The following ASB18 variants were observed in gnomAD, a reference collection of about 807,000 sequenced individuals.
The protein encoded by ASB18 is ankyrin repeat and SOCS box containing 18.
A neutral mutation model predicts 33.4 loss-of-function variants in ASB18; 33 were observed. That is an observed-to-expected ratio of 0.99 (90% CI 0.75 to 1.32). The LOEUF (loss-of-function observed/expected upper bound fraction) is 1.32. ASB18 is among the 40% of genes most tolerant of loss of function. The pLI, the probability that ASB18 is intolerant of heterozygous loss-of-function variation, is 0.00. For synonymous variants in ASB18, 295 were observed against 307.6 expected (o/e 0.96, Z 0.43); for missense variants, 694 against 655.5 (o/e 1.06, Z -0.64).
chr2:236,219,955 G>A lies in ASB18; in HGVS notation c.597-5089C>T, dbSNP rs1228660572. Among the ~76,000 whole-genome samples, 2 of 152,198 alleles carry A rather than the reference G, an allele frequency of 1.3e-5. No homozygotes were observed. The highest frequency in any genetic ancestry group is 2.9e-5 in the Non-Finnish European group (2 of 68,042). On this transcript the variant is annotated intron_variant, in intron 3 of 5. Coordinates refer to ENST00000409749, the MANE Select transcript of ASB18 (RefSeq NM_212556.4). This position sits in a 1 kb window ranked among gnomAD's most constrained non-coding sequence, Gnocchi z 6.4. ...GCAAGGATTAAGGAGACACCATGTTGTCTCAACAGCTTCTGATATGAAGCA... is the reference window on the plus strand; with the variant it reads ...GCAAGGATTAAGGAGACACCATGTTATCTCAACAGCTTCTGATATGAAGCA...
chr2:236,201,687 ATTTT>A (rs67471309), intron 4 of ASB18, among the ~76,000 whole-genome samples: 1 of 142,242 alleles, frequency 7.0e-6, no homozygotes, highest in Non-Finnish European at 1.5e-5. Context: ...ACTGCACTTC[ATTTT>A]TTTTTTTTTT....
In ASB18 at chr2:236,196,325, G is replaced by C; in HGVS notation, c.1162C>G (p.Gln388Glu). 1 of 1,567,050 alleles carries C rather than the reference G, an allele frequency of 6.4e-7. No homozygotes were observed. The highest frequency in any genetic ancestry group is 1.2e-5 in the South Asian group (1 of 84,994). The change falls in exon 5 of 6, where the codon CAG becomes GAG. Residue 388 changes from glutamine to glutamate, a missense_variant. Gln to Glu is a conservative substitution (Grantham distance 29, BLOSUM62 2). Coordinates refer to ENST00000409749, the MANE Select transcript of ASB18 (RefSeq NM_212556.4). The surrounding 1 kb of genome is among the most constrained non-coding windows in gnomAD (Gnocchi z 5.6). ...TTCCAGGACTCTGACAAGCAGAGCT[G>C]AGGGTAGGAGTTGAAAAGCACCTCG... The part of the protein sequence containing the change: ...VIEVLFNSYP[Q>E]LCLSESWKEV...
Position 236,217,424 on chromosome 2 carries a change from A to AAAAATAAT in ASB18, c.597-2559_597-2558insATTATTTT, listed in dbSNP as rs1553600511. Among the ~76,000 whole-genome samples the AAAAATAAT allele has an allele frequency of 5.0e-3, 757 of 150,394 alleles. 7 individuals carry two copies. The highest frequency in any genetic ancestry group is 0.015 in the African/African-American group (605 of 40,506). On this transcript the variant is annotated intron_variant, in intron 3 of 5. Coordinates refer to ENST00000409749, the MANE Select transcript of ASB18 (RefSeq NM_212556.4). This position sits in a 1 kb window ranked among gnomAD's most constrained non-coding sequence, Gnocchi z 5.2. ...CGAGACTCTGTCTCAAAAAAAAAAA[A>AAAAATAAT]AAATAAATCTTGGCACCTTCAACTC... is the stretch of plus-strand genomic sequence containing the variant.
chr2:236,259,551 A>C lies in ASB18; in HGVS notation c.205+4590T>G, dbSNP rs1356965353. ...TCCCAGTGGGAAGGGATGGCCTTCC[A>C]GTGGACGTGACCTCCCCTGCATGGG... On this transcript the variant is annotated intron_variant, in intron 1 of 5. Transcript: ENST00000409749. This position sits in a 1 kb window ranked among gnomAD's most constrained non-coding sequence, Gnocchi z 4.4. 2.1e-6 allele frequency: 1 copy of C among 471,098 alleles called. No individual in the cohort carries two copies. Among genetic ancestry groups the C allele is most frequent in the African/African-American group, 2.0e-5 (1 of 50,086 alleles). 29.2% of individuals were successfully genotyped at this position (471,098 alleles called of 1,614,324 possible).
rs571636453 is a variant in ASB18, at chr2:236,198,450, C to A, written c.1102-2065G>T. Among the ~76,000 whole-genome samples the A allele has an allele frequency of 2.0e-5, 3 of 152,130 alleles. No individual in the cohort carries two copies. In the East Asian group the frequency reaches 5.8e-4, roughly 29 times the overall value. ...GTGGTATGATCTTGGCTCACTGCAA[C>A]CTCTGCCTCCCAGTTCAAGCTATTC... On this transcript the variant is annotated intron_variant, in intron 4 of 5. Coordinates refer to ENST00000409749, the MANE Select transcript of ASB18 (RefSeq NM_212556.4).
rs952357211 is a variant in ASB18, at chr2:236,208,557, G to A, written c.1101+5805C>T. On this transcript the variant is annotated intron_variant, in intron 4 of 5. Coordinates refer to ENST00000409749, the MANE Select transcript of ASB18 (RefSeq NM_212556.4). This position sits in a 1 kb window ranked among gnomAD's most constrained non-coding sequence, Gnocchi z 7.7. Reference sequence around the variant, plus strand: ...GGCTCCCAGGGACTGCAGGTAACCCGGACATGCCCCACCCTGGGAAGAGGT... The same window carrying A: ...GGCTCCCAGGGACTGCAGGTAACCCAGACATGCCCCACCCTGGGAAGAGGT... 4.6e-5 allele frequency among the ~76,000 whole-genome samples: 7 copies of A among 152,092 alleles called. No individual in the cohort carries two copies. Among genetic ancestry groups the A allele is most frequent in the South Asian group, 2.1e-4 (1 of 4,830 alleles).
chr2:236,262,052 A>G lies in ASB18; in HGVS notation c.205+2089T>C, dbSNP rs2060721347. Among the ~76,000 whole-genome samples, 1 of 152,238 alleles carries G rather than the reference A, an allele frequency of 6.6e-6. No individual in the cohort carries two copies. Among genetic ancestry groups the G allele is most frequent in the South Asian group, 2.1e-4 (1 of 4,830 alleles). On this transcript the variant is annotated intron_variant, in intron 1 of 5. Transcript: ENST00000409749. This position sits in a 1 kb window ranked among gnomAD's most constrained non-coding sequence, Gnocchi z 5.2. ...ACACAGCCAAACCATATCAGTATGTAATTTATAACTGTGGAAGGAATGTAA... is the reference window on the plus strand; with the variant it reads ...ACACAGCCAAACCATATCAGTATGTGATTTATAACTGTGGAAGGAATGTAA...
intron 1 of ASB18, chr2:236,254,310 T>C (rs752309625): frequency 1.3e-5 from 2 of 152,644 alleles, no homozygotes; most frequent in Non-Finnish European, 2.9e-5. Context: ...CACCCTTCTC[T>C]CTGCACACGT....
rs1198212196 is a variant in ASB18 at position 236,221,077 on chromosome 2, A to C, written c.597-6211T>G. ...GGTGAGGAGTTCATCTTTGAGGTTT[A>C]AGCAGTGGTCTAAAGGGCAGGGCCC... On this transcript the variant is annotated intron_variant, in intron 3 of 5. Coordinates refer to ENST00000409749, the MANE Select transcript of ASB18 (RefSeq NM_212556.4). This position sits in a 1 kb window ranked among gnomAD's most constrained non-coding sequence, Gnocchi z 5.6. Among the ~76,000 whole-genome samples, 1 of 152,078 alleles carries C rather than the reference A, an allele frequency of 6.6e-6. No homozygotes were observed. The highest frequency in any genetic ancestry group is 6.5e-5 in the Admixed American group (1 of 15,276).
At position 236,222,303 on chromosome 2, in the gene ASB18, C is replaced by T. The variant is rs1395678310; in HGVS notation, c.597-7437G>A. Among the ~76,000 whole-genome samples the T allele has an allele frequency of 2.0e-5, 3 of 152,170 alleles. No individual in the cohort carries two copies. Among genetic ancestry groups the T allele is most frequent in the African/African-American group, 7.2e-5 (3 of 41,430 alleles). On this transcript the variant is annotated intron_variant, in intron 3 of 5. Transcript: ENST00000409749. This position sits in a 1 kb window ranked among gnomAD's most constrained non-coding sequence, Gnocchi z 5.5. The stretch of plus-strand genomic sequence containing the variant: ...AATTGAAATGGCTGATGTGAATAGA[C>T]AAATCCTTCAGGGTAGGAGGGCGAC...
In ASB18 at chr2:236,216,690, G is replaced by C; in HGVS notation, c.597-1824C>G. On this transcript the variant is annotated intron_variant, in intron 3 of 5. Coordinates refer to ENST00000409749, the MANE Select transcript of ASB18 (RefSeq NM_212556.4). The surrounding 1 kb of genome is among the most constrained non-coding windows in gnomAD (Gnocchi z 6.1). ...TTATAAGTCTCTTCATTTGCCCCTT[G>C]CTGCAATCTAGCAAACTGCATACTA... Among the ~76,000 whole-genome samples, 1 of 152,152 alleles carries C rather than the reference G, an allele frequency of 6.6e-6. No individual in the cohort carries two copies. The highest frequency in any genetic ancestry group is 1.9e-4 in the East Asian group (1 of 5,178).
In ASB18 at chr2:236,235,109, A is replaced by C. The variant is rs541291085; in HGVS notation, c.596+2580T>G. Reference sequence around the variant, plus strand: ...CAAACTTAAATAAGAAAACCAACCCAATTTTAAAAATGGGCAAAAGATTTG... The same window carrying C: ...CAAACTTAAATAAGAAAACCAACCCCATTTTAAAAATGGGCAAAAGATTTG... On this transcript the variant is annotated intron_variant, in intron 3 of 5. Coordinates refer to ENST00000409749, the MANE Select transcript of ASB18 (RefSeq NM_212556.4). The surrounding 1 kb of genome is among the most constrained non-coding windows in gnomAD (Gnocchi z 6.2). 5.8e-4 allele frequency among the ~76,000 whole-genome samples: 89 copies of C among 152,354 alleles called. No homozygotes were observed. The highest frequency in any genetic ancestry group is 1.4e-3 in the Admixed American group (21 of 15,308).
At position 236,214,400 on chromosome 2, in the gene ASB18, G is replaced by T; in HGVS notation, c.1063C>A (p.His355Asn). 2 of 1,575,268 alleles carry T rather than the reference G, an allele frequency of 1.3e-6. No individual in the cohort carries two copies. The highest frequency in any genetic ancestry group is 1.2e-5 in the South Asian group (1 of 86,640). The part of the protein sequence containing the change: ...PQRTVQALLN[H>N]GSPTVWPDAF... ...TCGGGCCACACGGTGGGAGAGCCGT[G>T]GTTGAGCAGCGCCTGCACCGTGCGC... Residue 355 changes from histidine (H) to asparagine (N), a missense_variant, in exon 4 of 6, where the codon CAC becomes AAC. His to Asn is a moderately conservative substitution (Grantham distance 68). Coordinates refer to ENST00000409749, the MANE Select transcript of ASB18 (RefSeq NM_212556.4). The surrounding 1 kb of genome is among the most constrained non-coding windows in gnomAD (Gnocchi z 6.5).
At chr2:236,242,768 T>C (rs912153442) in intron 1 of ASB18, among the ~76,000 whole-genome samples, 2 of 148,456 alleles carry the variant, frequency 1.3e-5, no homozygotes, top group African/African-American at 2.5e-5. Flanking sequence ...GTCTGGCCAA[T>C]CCCAGCACTT....
In ASB18 at chr2:236,242,830, A is replaced by G. The variant is rs375780588; in HGVS notation, c.206-1428T>C. 1.2e-4 allele frequency among the ~76,000 whole-genome samples: 18 copies of G among 147,246 alleles called. No homozygotes were observed. The East Asian group carries it at 1.9e-3, about 15-fold the overall frequency. On this transcript the variant is annotated intron_variant, in intron 1 of 5. Coordinates refer to ENST00000409749, the MANE Select transcript of ASB18 (RefSeq NM_212556.4). The stretch of plus-strand genomic sequence containing the variant: ...TGAGTCCAGGAGTTTGAGACCAGGC[A>G]AGATAGCAAGGGTCCCCCCATCTCT...
intron 4 of ASB18, among the ~76,000 whole-genome samples, chr2:236,207,814 GCTGA>G (rs765588184): frequency 8.1e-5 from 11 of 136,550 alleles, no homozygotes; most frequent in African/African-American, 2.9e-4. Context: ...CCACTGCCTG[GCTGA>G]CTTTTTTTTT....
intron 3 of ASB18, among the ~76,000 whole-genome samples, chr2:236,232,930 C>A (rs894845647): frequency 1.1e-4 from 17 of 151,992 alleles, no homozygotes; most frequent in African/African-American, 4.1e-4. Flanking sequence ...TATTTTTTCT[C>A]AAATTATTTC....
rs1043960892 is a variant in ASB18 at position 236,255,461 on chromosome 2, A to G, written c.205+8680T>C. Among the ~76,000 whole-genome samples the G allele has an allele frequency of 3.9e-4, 60 of 152,112 alleles. No individual in the cohort carries two copies. The highest frequency in any genetic ancestry group is 1.4e-3 in the African/African-American group (58 of 41,404). ...GCCTGGCCTGGTATTTCTTTATCACAATGCGAGAACGGACTAACACAGTGG... is the reference window on the plus strand; with the variant it reads ...GCCTGGCCTGGTATTTCTTTATCACGATGCGAGAACGGACTAACACAGTGG... On this transcript the variant is annotated intron_variant, in intron 1 of 5. Transcript: ENST00000409749. The surrounding 1 kb of genome is among the most constrained non-coding windows in gnomAD (Gnocchi z 4.4).
At position 236,241,216 on chromosome 2, in the gene ASB18, C is replaced by T. The variant is rs887170942; in HGVS notation, c.328+64G>A. 34 of 1,528,468 alleles carry T rather than the reference C, an allele frequency of 2.2e-5. No individual in the cohort carries two copies. In the African/African-American group the frequency reaches 2.3e-4, roughly 10 times the overall value. 94.7% of individuals were successfully genotyped at this position (1,528,468 alleles called of 1,614,324 possible). A position where few individuals can be genotyped will look rare whatever the true frequency, so the allele number is the denominator to read the frequency against. ...GCCCAGTCTACACACGGGAGCCTTA[C>T]ACTCCCAGAGAGTATTAGTAGCCCC... is the stretch of plus-strand genomic sequence containing the variant. On this transcript the variant is annotated intron_variant, in intron 2 of 5. Transcript: ENST00000409749. This position sits in a 1 kb window ranked among gnomAD's most constrained non-coding sequence, Gnocchi z 4.2.
Sources: gnomAD v4.1 joint callset for allele counts (sites outside exome capture counted in the v4.1 genomes callset) on GRCh38, gnomAD v4.1.1 for gene constraint, Gnocchi (gnomAD v3.1) non-coding constraint, MANE v1.5 for transcripts, NCBI Gene and HGNC (gene_info 2026-07-23, HGNC 2026-07-21) for gene names.